MTHFD1L: variants seen among roughly 807,000 people sequenced by gnomAD.
MTHFD1L encodes the protein methylenetetrahydrofolate dehydrogenase (NADP+ dependent) 1 like.
In MTHFD1L, 81 loss-of-function variants were observed where a neutral mutation model predicts 119.5. That is an observed-to-expected ratio of 0.68 (90% CI 0.57 to 0.82). The LOEUF (loss-of-function observed/expected upper bound fraction) is 0.82. Among genes scored for constraint, MTHFD1L ranks in the 40% least tolerant of loss-of-function variants. The probability of loss-of-function intolerance (pLI) is 0.00; values close to 1 mark genes in which losing one functional copy is unlikely to be tolerated. For synonymous variants in MTHFD1L, 430 were observed against 475.2 expected (o/e 0.90, Z 1.24); for missense variants, 1,125 against 1,253.4 (o/e 0.90, Z 1.55).
intron 26 of MTHFD1L, among the ~76,000 whole-genome samples, chr6:151,049,626 C>T (rs1440129418): frequency 1.3e-5 from 2 of 148,358 alleles, no homozygotes; most frequent in East Asian, 4.0e-4. Flanking sequence ...CCTGCCACTG[C>T]ACTCCAGCCT....
chr6:150,933,323 G>A (rs1163041696), intron 11 of MTHFD1L, among the ~76,000 whole-genome samples: 1 of 152,092 alleles, frequency 6.6e-6, no homozygotes, highest in Non-Finnish European at 1.5e-5. Context: ...GCTCAGTGCG[G>A]TACTTAAATG....
At chr6:150,869,954 G>A (rs1200167876) in intron 1 of MTHFD1L, among the ~76,000 whole-genome samples, 2 of 152,096 alleles carry the variant, frequency 1.3e-5, no homozygotes, top group Non-Finnish European at 1.5e-5. Flanking sequence ...ATTTTTAGTA[G>A]AGACGGGGTT....
At chr6:150,980,400 A>G (rs1015866011) in intron 20 of MTHFD1L, among the ~76,000 whole-genome samples, 4 of 152,136 alleles carry the variant, frequency 2.6e-5, no homozygotes, top group Admixed American at 2.0e-4. Flanking sequence ...CTTTTGTGTA[A>G]AGTAGCCCTC....
intron 26 of MTHFD1L, among the ~76,000 whole-genome samples, chr6:151,067,006 T>A (rs1001803243): frequency 6.6e-6 from 1 of 151,836 alleles, no homozygotes; most frequent in Non-Finnish European, 1.5e-5. Flanking sequence ...TTTTTTTTTT[T>A]TTTTTGAGAC....
intron 21 of MTHFD1L, 56 bp from the exon 22 acceptor site, chr6:151,013,723 C>A (rs1278971569): frequency 1.4e-6 from 2 of 1,430,162 alleles, no homozygotes; most frequent in Non-Finnish European, 2.0e-6. Context: ...TCTTTCAGAT[C>A]GGTTGTGTAA....
chr6:150,948,959 G>C (rs892941142), intron 15 of MTHFD1L, 72 bp from the exon 16 acceptor site: 31 of 1,223,666 alleles, frequency 2.5e-5, no homozygotes, highest in Admixed American at 3.9e-5. Flanking sequence ...TAAAATTAGA[G>C]GGATAATTTT....
intron 26 of MTHFD1L, among the ~76,000 whole-genome samples, chr6:151,068,478 G>A (rs904255406): frequency 1.2e-4 from 18 of 152,102 alleles, no homozygotes; most frequent in Non-Finnish European, 5.9e-5. Flanking sequence ...AGCTGCTGCG[G>A]GTCAGATTCT....
intron 26 of MTHFD1L, chr6:151,088,332 A>G (rs1794030409): frequency 6.6e-6 from 1 of 152,148 alleles, no homozygotes; most frequent in South Asian, 2.1e-4. Context: ...TGATTGCGTC[A>G]CTTGAAGGGG....
chr6:150,936,081 C>T (rs1792005311), intron 11 of MTHFD1L, among the ~76,000 whole-genome samples: 1 of 152,106 alleles, frequency 6.6e-6, no homozygotes, highest in South Asian at 2.1e-4. Context: ...ATGCACAGGG[C>T]CTGTGGACTT....
At position 150,994,094 on chromosome 6, in the gene MTHFD1L, A is replaced by AAAGAAAGAAAGAAAGAAAGAAAGTAAGT. The variant is rs1482239065; in HGVS notation, c.2126-15722_2126-15721insAAAGAAAGAAAGAAAGAAAGTAAGTAAG. 1.1e-3 allele frequency among the ~76,000 whole-genome samples: 136 copies of AAAGAAAGAAAGAAAGAAAGAAAGTAAGT among 119,596 alleles called. 2 individuals carry two copies. Among genetic ancestry groups the AAAGAAAGAAAGAAAGAAAGAAAGTAAGT allele is most frequent in the Admixed American group, 7.2e-3 (87 of 12,018 alleles). 78.5% of individuals were successfully genotyped at this position (119,596 alleles called of 152,430 possible). On this transcript the variant is annotated intron_variant, in intron 20 of 27. Transcript: ENST00000367321. Reference sequence around the variant, plus strand: ...AAAAAAAAAAAAGAAAGAAAGAAAGAAAGTGACCCAGCACTATAATACAAG... The same window carrying AAAGAAAGAAAGAAAGAAAGAAAGTAAGT: ...AAAAAAAAAAAAGAAAGAAAGAAAGAAAGAAAGAAAGAAAGAAAGAAAGTAAGTAAGTGACCCAGCACTATAATACAAG...
intron 26 of MTHFD1L, among the ~76,000 whole-genome samples, chr6:151,037,337 A>G (rs1786334648): frequency 6.6e-6 from 1 of 152,136 alleles, no homozygotes; most frequent in Admixed American, 6.5e-5. Context: ...GGGTCCTTAG[A>G]GTCATAATAC....
chr6:150,949,031 A>G lies in MTHFD1L; in HGVS notation c.1624A>G (p.Lys542Glu). 1 of 1,612,550 alleles carries G rather than the reference A, an allele frequency of 6.2e-7. No homozygotes were observed. The highest frequency in any genetic ancestry group is 2.2e-5 in the East Asian group (1 of 44,858). The stretch of plus-strand genomic sequence containing the variant: ...CACCTTTTTTCTTCTTAATCATTAG[A>G]AACTGGGAATAAATAAGACTGATCC... ...FSEIQLARLK[K>E]LGINKTDPST... The change falls in exon 16 of 28, where the codon AAA (lysine) becomes GAA (glutamate). Residue 542 changes from lysine to glutamate, a missense_variant and splice_region_variant. Lys to Glu is a moderately conservative substitution (Grantham distance 56). Transcript: ENST00000367321.
In MTHFD1L at chr6:150,962,327, T is replaced by C. The variant is rs1796568659; in HGVS notation, c.1944+1912T>C. Among the ~76,000 whole-genome samples the C allele has an allele frequency of 2.0e-5, 3 of 152,220 alleles. No homozygotes were observed. In the South Asian group the frequency reaches 6.2e-4, roughly 32 times the overall value. ...GTGAGTGTATGATAAAAATCTTGGA[T>C]CTGGAACAAACCCAAAGATTACTCT... On this transcript the variant is annotated intron_variant, in intron 18 of 27. Coordinates refer to ENST00000367321, the MANE Select transcript of MTHFD1L (RefSeq NM_015440.5).
chr6:150,908,697 A>G (rs1047175145), intron 8 of MTHFD1L, among the ~76,000 whole-genome samples: 3 of 151,906 alleles, frequency 2.0e-5, no homozygotes, highest in Non-Finnish European at 4.4e-5. Context: ...GAGGAATGCT[A>G]TGTTGATGAA....
intron 11 of MTHFD1L, 89 bp from the exon 12 acceptor site, chr6:150,936,715 C>A (rs1193210654): frequency 8.2e-6 from 12 of 1,460,698 alleles, no homozygotes; most frequent in Admixed American, 1.8e-5. Context: ...GAAATGAGCA[C>A]CCTCAGATTT....
intron 19 of MTHFD1L, among the ~76,000 whole-genome samples, chr6:150,965,999 G>A (rs983628971): frequency 2.6e-5 from 4 of 152,216 alleles, no homozygotes; most frequent in African/African-American, 9.6e-5. Context: ...ACAGAGCTGA[G>A]TAAACCAAGG....
chr6:150,938,840 C>A, intron 13 of MTHFD1L, 95 bp downstream of exon 13: 1 of 1,424,228 alleles, frequency 7.0e-7, no homozygotes, highest in South Asian at 1.2e-5. Flanking sequence ...AGACCCTCAT[C>A]CATAATCCCA....
chr6:150,981,979 C>T (rs112276195), intron 20 of MTHFD1L, among the ~76,000 whole-genome samples: 74 of 152,002 alleles, frequency 4.9e-4, no homozygotes, highest in Admixed American at 6.6e-4. Flanking sequence ...TCCAGCTACT[C>T]GGGAGGCTGA....
At chr6:151,079,576 G>A (rs917600528) in intron 26 of MTHFD1L, among the ~76,000 whole-genome samples, 15 of 151,918 alleles carry the variant, frequency 9.9e-5, no homozygotes, top group Admixed American at 2.0e-4. Context: ...CGCAACCTCC[G>A]CCCCCCGGAT....
Sources: allele counts gnomAD v4.1 joint callset (sites outside exome capture counted in the v4.1 genomes callset), GRCh38; gene constraint gnomAD v4.1.1; transcripts MANE v1.5; gene names NCBI Gene and HGNC (gene_info 2026-07-23, HGNC 2026-07-21).